The following DCTN6 variants were observed in gnomAD, a reference collection of about 807,000 sequenced individuals.
DCTN6 encodes the protein dynactin subunit 6, also known as dynactin 6.
A neutral mutation model predicts 25.8 loss-of-function variants in DCTN6; 15 were observed. That is an observed-to-expected ratio of 0.58 (90% CI 0.39 to 0.89). DCTN6 has a LOEUF of 0.89. Among genes scored for constraint, DCTN6 ranks in the 40% least tolerant of loss-of-function variants. The probability of loss-of-function intolerance (pLI) is 0.00; values close to 1 mark genes in which losing one functional copy is unlikely to be tolerated. For missense variants in DCTN6, 198 were observed against 237.6 expected (o/e 0.83, Z 1.09); for synonymous variants, 64 against 78.3 (o/e 0.82, Z 0.96).
At chr8:30,162,216 A>G (rs889045933) in intron 1 of DCTN6, among the ~76,000 whole-genome samples, 1 of 151,892 alleles carries the variant, frequency 6.6e-6, no homozygotes, top group African/African-American at 2.4e-5. Context: ...CAGCCTCCCC[A>G]GTAGCTGGGA....
chr8:30,182,294 C>G (rs1175018969), intron 6 of DCTN6, among the ~76,000 whole-genome samples: 1 of 152,088 alleles, frequency 6.6e-6, no homozygotes. Flanking sequence ...CTATATTTTT[C>G]ACAAGTACCG....
intron 1 of DCTN6, among the ~76,000 whole-genome samples, chr8:30,160,874 ACAAGGAATGGGAAATACCTACCTT>A (rs1803585600): frequency 6.6e-6 from 1 of 152,206 alleles, no homozygotes; most frequent in African/African-American, 2.4e-5. Context: ...GGGGCCTGTA[ACAAGGAATGGGAAATACCTACCTT>A]CAACGTTGCC....
chr8:30,158,746 G>A (rs1803559246), intron 1 of DCTN6, among the ~76,000 whole-genome samples: 1 of 130,628 alleles, frequency 7.7e-6, no homozygotes, highest in Non-Finnish European at 1.7e-5. Context: ...TCAGGCTGGA[G>A]TGCAGTGAAA....
chr8:30,179,665 T>G (rs1309832802), intron 5 of DCTN6, among the ~76,000 whole-genome samples: 5 of 152,170 alleles, frequency 3.3e-5, no homozygotes, highest in Non-Finnish European at 5.9e-5. Context: ...AAATCAGCTA[T>G]GTACAGGATT....
In DCTN6 at chr8:30,166,220, C is replaced by T. The variant is rs1055202735; in HGVS notation, c.88+2045C>T. Among the ~76,000 whole-genome samples the T allele has an allele frequency of 3.0e-4, 46 of 151,624 alleles. 1 individual carries two copies. The highest frequency in any genetic ancestry group is 1.1e-3 in the African/African-American group (46 of 41,350). On this transcript the variant is annotated intron_variant, in intron 2 of 6. Coordinates refer to ENST00000221114, the MANE Select transcript of DCTN6 (RefSeq NM_006571.4). ...ATGTAATTAATTATGTAGATTTTCCCTGGCATTTCTACTTCTTCCCCATTT... is the reference window on the plus strand; with the variant it reads ...ATGTAATTAATTATGTAGATTTTCCTTGGCATTTCTACTTCTTCCCCATTT...
intron 6 of DCTN6, 126 bp downstream of exon 6, chr8:30,180,756 T>C: frequency 8.7e-7 from 1 of 1,153,472 alleles, no homozygotes; most frequent in African/African-American, 1.6e-5. Context: ...AAGATGCCAG[T>C]CTCAGTGACT....
intron 1 of DCTN6, 135 bp downstream of exon 1, chr8:30,156,541 T>G: frequency 2.1e-6 from 2 of 971,322 alleles, no homozygotes; most frequent in Non-Finnish European, 1.6e-6. Context: ...AGCCCAGACC[T>G]GGCGTCCACT....
chr8:30,181,926 A>G (rs1003093385), intron 6 of DCTN6, among the ~76,000 whole-genome samples: 1 of 151,686 alleles, frequency 6.6e-6, no homozygotes, highest in African/African-American at 2.4e-5. Flanking sequence ...TCTTAGCCAT[A>G]TTTTATCAGA....
rs61484281 is a variant in DCTN6 at position 30,181,869 on chromosome 8, G to GAA, written c.475-1193_475-1192dup. Among the ~76,000 whole-genome samples, 545 of 126,774 alleles carry GAA rather than the reference G, an allele frequency of 4.3e-3. 4 individuals carry two copies. Among genetic ancestry groups the GAA allele is most frequent in the African/African-American group, 0.015 (509 of 35,044 alleles). 83.2% of individuals were successfully genotyped at this position (126,774 alleles called of 152,430 possible). Reference sequence around the variant, plus strand: ...TACCACTGCACTCCAGCCTGGGAAAGAAAAAAAAAAAAAAGAATAGTTTCA... The same window carrying GAA: ...TACCACTGCACTCCAGCCTGGGAAAGAAAAAAAAAAAAAAAAGAATAGTTTCA... On this transcript the variant is annotated intron_variant, in intron 6 of 6. Coordinates refer to ENST00000221114, the MANE Select transcript of DCTN6 (RefSeq NM_006571.4).
chr8:30,157,819 C>G (rs1803545914), intron 1 of DCTN6, among the ~76,000 whole-genome samples: 1 of 152,048 alleles, frequency 6.6e-6, no homozygotes, highest in Non-Finnish European at 1.5e-5. Flanking sequence ...GTTTCTGGTG[C>G]CATAAATTAA....
chr8:30,156,832 C>T, intron 1 of DCTN6, among the ~76,000 whole-genome samples: 1 of 152,176 alleles, frequency 6.6e-6, no homozygotes, highest in Non-Finnish European at 1.5e-5. Context: ...GACCCCCACG[C>T]CAGTGCTGGC....
chr8:30,177,702 G>T (rs1803860306), intron 4 of DCTN6, among the ~76,000 whole-genome samples: 1 of 152,128 alleles, frequency 6.6e-6, no homozygotes, highest in Non-Finnish European at 1.5e-5. Context: ...GGGTGACAGA[G>T]CAAGACTCCT....
At chr8:30,180,766 T>G in intron 6 of DCTN6, 136 bp downstream of exon 6, 1 of 1,119,126 alleles carries the variant, frequency 8.9e-7, no homozygotes, top group Non-Finnish European at 1.2e-6. Flanking sequence ...TCTCAGTGAC[T>G]CGTGCCTGGA....
At chr8:30,157,196 G>A (rs1241617162) in intron 1 of DCTN6, among the ~76,000 whole-genome samples, 1 of 152,156 alleles carries the variant, frequency 6.6e-6, no homozygotes, top group African/African-American at 2.4e-5. Flanking sequence ...ATGTGCATTT[G>A]ATTTTATTTC....
At chr8:30,159,937 T>C (rs1803576601) in intron 1 of DCTN6, among the ~76,000 whole-genome samples, 2 of 152,052 alleles carry the variant, frequency 1.3e-5, no homozygotes, top group Non-Finnish European at 2.9e-5. Flanking sequence ...AATTTTTGTA[T>C]TTTTTGTAGA....
At chr8:30,169,665 C>CT (rs1276181137) in intron 2 of DCTN6, among the ~76,000 whole-genome samples, 2 of 152,156 alleles carry the variant, frequency 1.3e-5, no homozygotes, top group Non-Finnish European at 2.9e-5. Context: ...GACCCTTAAA[C>CT]TTTATGTTGA....
intron 2 of DCTN6, 78 bp from the exon 3 acceptor site, chr8:30,175,007 C>T (rs1803811812): frequency 2.2e-6 from 3 of 1,362,750 alleles, no homozygotes; most frequent in Non-Finnish European, 3.1e-6. Flanking sequence ...ACAGCCTCAC[C>T]CATCCTCAGT....
Position 30,158,173 on chromosome 8 carries a change from A to G in DCTN6, c.23+1767A>G, listed in dbSNP as rs114183033. On this transcript the variant is annotated intron_variant, in intron 1 of 6. Coordinates refer to ENST00000221114, the MANE Select transcript of DCTN6 (RefSeq NM_006571.4). Reference sequence around the variant, plus strand: ...ATCTCTCCCTTGGGCGTAAAACTGAAGGCAGGGGGCATTTGTGAGTCTCTC... The same window carrying G: ...ATCTCTCCCTTGGGCGTAAAACTGAGGGCAGGGGGCATTTGTGAGTCTCTC... Among the ~76,000 whole-genome samples the G allele has an allele frequency of 2.6e-3, 390 of 152,294 alleles. 4 individuals are homozygous for G. Among genetic ancestry groups the G allele is most frequent in the African/African-American group, 9.1e-3 (377 of 41,576 alleles).
At chr8:30,167,674 T>C (rs559186538) in intron 2 of DCTN6, among the ~76,000 whole-genome samples, 1 of 151,606 alleles carries the variant, frequency 6.6e-6, no homozygotes, top group Non-Finnish European at 1.5e-5. Context: ...ATGGTTAAAA[T>C]GACATTTTAA....
Sources: allele counts gnomAD v4.1 joint callset (sites outside exome capture counted in the v4.1 genomes callset), GRCh38; gene constraint gnomAD v4.1.1; transcripts MANE v1.5; gene names NCBI Gene and HGNC (gene_info 2026-07-23, HGNC 2026-07-21).